The following NLRP8 variants were observed in gnomAD, a reference collection of about 807,000 sequenced individuals.
NLRP8 encodes the protein NLR family pyrin domain containing 8.
In NLRP8, 86 loss-of-function variants were observed where a neutral mutation model predicts 88.7. The observed-to-expected ratio is 0.97, with a 90% confidence interval of 0.81 to 1.16. NLRP8 has a LOEUF of 1.16. NLRP8 is among the 50% of genes most tolerant of loss of function. The probability of loss-of-function intolerance (pLI) is 0.00; values close to 1 mark genes in which losing one functional copy is unlikely to be tolerated. For missense variants in NLRP8, 1,342 were observed against 1,286.5 expected (o/e 1.04, Z -0.66); for synonymous variants, 504 against 494.6 (o/e 1.02, Z -0.25).
At position 55,979,521 on chromosome 19, in the gene NLRP8, TGCGAGGCCTTCTCAA is replaced by T; in HGVS notation, c.3007_3021del (p.Glu1003_Ser1007del). Reference sequence around the variant, plus strand: ...TGGAGTCTATGGTATTCTGACCTTGTGCGAGGCCTTCTCAAGCCAAAAGAAGAGAGAAGAGGTCAT... The same window carrying T: ...TGGAGTCTATGGTATTCTGACCTTGTGCCAAAAGAAGAGAGAAGAGGTCAT... On this transcript the variant is annotated inframe_deletion, in exon 9 of 10. Coordinates refer to ENST00000291971, the MANE Select transcript of NLRP8 (RefSeq NM_176811.2). 1 of 1,614,244 alleles carries T rather than the reference TGCGAGGCCTTCTCAA, an allele frequency of 6.2e-7. No homozygotes were observed. Among genetic ancestry groups the T allele is most frequent in the Non-Finnish European group, 8.5e-7 (1 of 1,180,034 alleles).
chr19:55,987,877 G>A lies in NLRP8; in HGVS notation c.3111G>A (p.Thr1037=), dbSNP rs745986469. 5.3e-5 allele frequency: 86 copies of A among 1,613,864 alleles called. No individual in the cohort carries two copies. The highest frequency in any genetic ancestry group is 5.1e-5 in the Non-Finnish European group (60 of 1,179,960). Residue 1037 remains threonine (T), a synonymous_variant, in exon 10 of 10, where the codon ACG becomes ACA. Coordinates refer to ENST00000291971, the MANE Select transcript of NLRP8 (RefSeq NM_176811.2). ...CAACTCCTCACCCACCCGACTTCACGGGAAAAAGTGACTGCCTATCCCAGA... is the reference window on the plus strand; with the variant it reads ...CAACTCCTCACCCACCCGACTTCACAGGAAAAAGTGACTGCCTATCCCAGA...
chr19:55,975,403 G>A (rs866124650), intron 7 of NLRP8, among the ~76,000 whole-genome samples: 11 of 152,160 alleles, frequency 7.2e-5, no homozygotes, highest in Non-Finnish European at 1.5e-4. Flanking sequence ...GACTTAATCC[G>A]TGAGCCATCA....
chr19:55,961,819 A>G (rs1979623947), intron 3 of NLRP8, among the ~76,000 whole-genome samples: 1 of 152,206 alleles, frequency 6.6e-6, no homozygotes, highest in Non-Finnish European at 1.5e-5. Context: ...AATAAAAAAT[A>G]AAAGCAACTT....
In NLRP8 at chr19:55,976,031, A is replaced by C. The variant is rs139552054; in HGVS notation, c.2706-102A>C. 1,362 of 1,198,494 alleles carry C rather than the reference A, an allele frequency of 1.1e-3. 9 individuals carry two copies. In the African/African-American group the frequency reaches 0.018, roughly 16 times the overall value. The allele number at this position is 1,198,494 out of a possible 1,614,324, so 74.2% of individuals were successfully genotyped here. A position where few individuals can be genotyped will look rare whatever the true frequency, so the allele number is the denominator to read the frequency against. The stretch of plus-strand genomic sequence containing the variant: ...AAACAAACAAATAAAAACAGAACCC[A>C]AAAACAAAGAAGTAAAACCTAAGGG... On this transcript the variant is annotated intron_variant, in intron 7 of 9. Coordinates refer to ENST00000291971, the MANE Select transcript of NLRP8 (RefSeq NM_176811.2).
chr19:55,973,523 T>C, intron 6 of NLRP8, 129 bp from the exon 7 acceptor site: 1 of 743,236 alleles, frequency 1.3e-6, no homozygotes, highest in Non-Finnish European at 2.1e-6. Flanking sequence ...TTGGAAGTCC[T>C]GAGTGGTGAT....
intron 5 of NLRP8, among the ~76,000 whole-genome samples, chr19:55,969,566 T>C (rs1243622601): frequency 1.3e-5 from 2 of 152,232 alleles, no homozygotes; most frequent in Non-Finnish European, 2.9e-5. Context: ...GCTATAAACA[T>C]GCATGTGAAA....
chr19:55,978,377 G>A (rs115787760), intron 8 of NLRP8, among the ~76,000 whole-genome samples: 2 of 152,028 alleles, frequency 1.3e-5, no homozygotes, highest in Non-Finnish European at 2.9e-5. Flanking sequence ...GTTTTCTGCT[G>A]CTTATAACAG....
intron 4 of NLRP8, among the ~76,000 whole-genome samples, chr19:55,965,732 C>A (rs963112465): frequency 6.6e-6 from 1 of 151,928 alleles, no homozygotes; most frequent in African/African-American, 2.4e-5. Flanking sequence ...GGTATACATG[C>A]GCTGTGGTGG....
chr19:55,969,238 C>A (rs529147373), intron 5 of NLRP8, among the ~76,000 whole-genome samples: 16 of 152,286 alleles, frequency 1.1e-4, no homozygotes, highest in South Asian at 2.1e-4. Context: ...CATGTGTAGT[C>A]TTTTATCCCT....
intron 9 of NLRP8, among the ~76,000 whole-genome samples, chr19:55,986,479 C>CACACACACAT (rs1555759181): frequency 7.2e-6 from 1 of 139,380 alleles, no homozygotes; most frequent in South Asian, 2.3e-4. Flanking sequence ...CACATACACA[C>CACACACACAT]ACACACACAC....
At position 55,962,094 on chromosome 19, in the gene NLRP8, T is replaced by C. The variant is rs6509975; in HGVS notation, c.2070T>C (p.Arg690=). The change falls in exon 4 of 10, where the codon CGT becomes CGC. Residue 690 remains arginine, a synonymous_variant. Transcript: ENST00000291971. Reference sequence around the variant, plus strand: ...CGCCAGAGAGCAATGGGCTGCATCGTTGGTGGCAAGACTTATGCTCTGTGT... The same window carrying C: ...CGCCAGAGAGCAATGGGCTGCATCGCTGGTGGCAAGACTTATGCTCTGTGT... 0.3 allele frequency: 482,991 copies of C among 1,613,748 alleles called. 73,946 individuals are homozygous for C. Among genetic ancestry groups the C allele is most frequent in the African/African-American group, 0.41 (30,690 of 74,938 alleles).
At position 55,955,193 on chromosome 19, in the gene NLRP8, G is replaced by T; in HGVS notation, c.1135G>T (p.Val379Phe). The change falls in exon 3 of 10, where the codon GTC becomes TTC. Residue 379 changes from valine to phenylalanine, a missense_variant. Coordinates refer to ENST00000291971, the MANE Select transcript of NLRP8 (RefSeq NM_176811.2). The stretch of plus-strand genomic sequence containing the variant: ...TGGACACACAGAGGAGGGAGACCAA[G>T]TCTTGAGTTTCGCCATGGAAAACAC... 6.2e-7 allele frequency: 1 copy of T among 1,614,156 alleles called. No individual in the cohort carries two copies. Among genetic ancestry groups the T allele is most frequent in the Non-Finnish European group, 8.5e-7 (1 of 1,180,014 alleles).
intron 3 of NLRP8, among the ~76,000 whole-genome samples, chr19:55,959,970 G>C (rs891704977): frequency 2.6e-5 from 4 of 152,168 alleles, no homozygotes; most frequent in Non-Finnish European, 5.9e-5. Context: ...AAATCATGGA[G>C]GCTTGGGGGG....
intron 9 of NLRP8, among the ~76,000 whole-genome samples, chr19:55,986,968 C>CA (rs1980873933): frequency 6.6e-6 from 1 of 152,222 alleles, no homozygotes; most frequent in South Asian, 2.1e-4. Flanking sequence ...CTTGAAAGAA[C>CA]AAAGTCCAGT....
chr19:55,959,812 T>G (rs1979533554), intron 3 of NLRP8, among the ~76,000 whole-genome samples: 1 of 152,200 alleles, frequency 6.6e-6, no homozygotes, highest in Non-Finnish European at 1.5e-5. Context: ...GTGTAAGTGT[T>G]CATTCCTCTG....
At chr19:55,956,215 G>T in intron 3 of NLRP8, 115 bp downstream of exon 3, 2 of 1,039,518 alleles carry the variant, frequency 1.9e-6, no homozygotes, top group Non-Finnish European at 2.8e-6. Flanking sequence ...TCCTAGCCTA[G>T]TTTGCACAGT....
intron 7 of NLRP8, among the ~76,000 whole-genome samples, chr19:55,974,137 A>C (rs1473550158): frequency 1.3e-5 from 2 of 150,088 alleles, no homozygotes; most frequent in Non-Finnish European, 3.0e-5. Context: ...GACTACCTCG[A>C]GGTGTAAGAA....
At chr19:55,972,114 A>AT (rs60245156) in intron 6 of NLRP8, among the ~76,000 whole-genome samples, 10,702 of 128,250 alleles carry the variant, frequency 0.083, 527 homozygotes, top group African/African-American at 0.12. Context: ...CTATGTTTTA[A>AT]TTTTTTTTTT....
chr19:55,971,566 G>T (rs1295942386), intron 6 of NLRP8, among the ~76,000 whole-genome samples: 6 of 151,646 alleles, frequency 4.0e-5, no homozygotes, highest in African/African-American at 1.5e-4. Context: ...ACTACAGAAT[G>T]ATATTGATAC....
Sources: allele counts gnomAD v4.1 joint callset (sites outside exome capture counted in the v4.1 genomes callset), GRCh38; gene constraint gnomAD v4.1.1; transcripts MANE v1.5; gene names NCBI Gene and HGNC (gene_info 2026-07-23, HGNC 2026-07-21).